The following RHBDL2 variants were observed in gnomAD, a reference collection of about 807,000 sequenced individuals.
RHBDL2 encodes the protein rhomboid-related protein 2.
A neutral mutation model predicts 31.7 loss-of-function variants in RHBDL2; 26 were observed. The ratio of observed to expected loss-of-function variants is 0.82; its 90% CI spans 0.60 to 1.14. The LOEUF is 1.14. RHBDL2 is among the 50% of genes most tolerant of loss of function. RHBDL2 has a pLI of 0.00. For synonymous variants in RHBDL2, 123 were observed against 127.2 expected (o/e 0.97, Z 0.22); for missense variants, 336 against 364.4 (o/e 0.92, Z 0.63).
At chr1:38,939,185 A>G (rs900395604) in intron 1 of RHBDL2, among the ~76,000 whole-genome samples, 4 of 152,182 alleles carry the variant, frequency 2.6e-5, no homozygotes, top group African/African-American at 9.7e-5. Context: ...ATCTACAGGA[A>G]GTGAAAGGCC....
At chr1:38,918,058 C>T (rs1252819718) in intron 2 of RHBDL2, among the ~76,000 whole-genome samples, 1 of 152,174 alleles carries the variant, frequency 6.6e-6, no homozygotes, top group African/African-American at 2.4e-5. Flanking sequence ...GGCAAGTCTT[C>T]CCTGGGCCTC....
chr1:38,928,627 G>A (rs1393980309), intron 1 of RHBDL2, among the ~76,000 whole-genome samples: 2 of 150,920 alleles, frequency 1.3e-5, no homozygotes, highest in African/African-American at 4.9e-5. Flanking sequence ...TGTATTTTTA[G>A]TAGAGATGGG....
At chr1:38,937,930 G>A (rs150181290) in intron 1 of RHBDL2, among the ~76,000 whole-genome samples, 4 of 152,174 alleles carry the variant, frequency 2.6e-5, no homozygotes, top group African/African-American at 9.6e-5. Flanking sequence ...GGACCCATCA[G>A]GCCTGAAAAC....
At chr1:38,940,963 CA>C (rs1028960086) in intron 1 of RHBDL2, among the ~76,000 whole-genome samples, 2 of 152,050 alleles carry the variant, frequency 1.3e-5, no homozygotes, top group African/African-American at 4.8e-5. Flanking sequence ...GATAAAAAGC[CA>C]AGTGTCTTTG....
intron 7 of RHBDL2, among the ~76,000 whole-genome samples, chr1:38,887,599 A>AT (rs925834927): frequency 6.6e-6 from 1 of 151,794 alleles, no homozygotes; most frequent in Admixed American, 6.6e-5. Flanking sequence ...TAATTTTTGT[A>AT]TTTTTAGTAG....
At chr1:38,931,996 G>A (rs1197523012) in intron 1 of RHBDL2, among the ~76,000 whole-genome samples, 1 of 152,142 alleles carries the variant, frequency 6.6e-6, no homozygotes, top group East Asian at 1.9e-4. Context: ...ATACTACGTG[G>A]CAGAAGCTAT....
chr1:38,904,790 G>C (rs1431935556), intron 4 of RHBDL2, among the ~76,000 whole-genome samples: 2 of 149,922 alleles, frequency 1.3e-5, no homozygotes, highest in African/African-American at 4.9e-5. Flanking sequence ...CCAGCACTTT[G>C]GGAGGCCGAG....
chr1:38,930,546 C>G (rs1005602347), intron 1 of RHBDL2, among the ~76,000 whole-genome samples: 2 of 152,160 alleles, frequency 1.3e-5, no homozygotes, highest in Admixed American at 6.6e-5. Context: ...CATCCTGTAT[C>G]TTGTATTATC....
At chr1:38,913,045 C>T (rs1405875958) in intron 3 of RHBDL2, among the ~76,000 whole-genome samples, 5 of 148,770 alleles carry the variant, frequency 3.4e-5, no homozygotes, top group Non-Finnish European at 7.4e-5. Flanking sequence ...TGCGGTGGCG[C>T]GATCTCGGCT....
chr1:38,917,221 G>A (rs1643250690), intron 2 of RHBDL2, among the ~76,000 whole-genome samples: 2 of 151,706 alleles, frequency 1.3e-5, no homozygotes, highest in South Asian at 4.2e-4. Flanking sequence ...GTTTCACCGT[G>A]TTAGCCAGGA....
chr1:38,898,363 G>C (rs1642946146), intron 4 of RHBDL2, among the ~76,000 whole-genome samples: 1 of 152,178 alleles, frequency 6.6e-6, no homozygotes, highest in South Asian at 2.1e-4. Flanking sequence ...CTAACCTATA[G>C]ACTAGGGCTG....
intron 6 of RHBDL2, among the ~76,000 whole-genome samples, 188 bp downstream of exon 6, chr1:38,892,976 T>C (rs1408725620): frequency 6.6e-6 from 1 of 152,240 alleles, no homozygotes; most frequent in Non-Finnish European, 1.5e-5. Flanking sequence ...CAAAATAATA[T>C]GTAAAATTTA....
At position 38,907,442 on chromosome 1, in the gene RHBDL2, A is replaced by G. The variant is rs375153414; in HGVS notation, c.508+3880T>C. On this transcript the variant is annotated intron_variant, in intron 4 of 7. Coordinates refer to ENST00000372990, the MANE Select transcript of RHBDL2 (RefSeq NM_017821.5). Reference sequence around the variant, plus strand: ...GTAATCCCAGCTACTCAGGAGGCTGAGGCTGGAGAATTGCTTGAACCTGGG... The same window carrying G: ...GTAATCCCAGCTACTCAGGAGGCTGGGGCTGGAGAATTGCTTGAACCTGGG... Among the ~76,000 whole-genome samples the G allele has an allele frequency of 6.8e-4, 104 of 152,372 alleles. 4 individuals are homozygous for G. The South Asian group carries it at 0.021, about 30-fold the overall frequency.
intron 1 of RHBDL2, among the ~76,000 whole-genome samples, chr1:38,938,223 G>A (rs111404955): frequency 0.16 from 24,184 of 151,582 alleles, 2,337 homozygotes; most frequent in Non-Finnish European, 0.21. Flanking sequence ...CACCATATTG[G>A]TCAGGCTGGT....
At chr1:38,931,194 G>A (rs1643435121) in intron 1 of RHBDL2, among the ~76,000 whole-genome samples, 1 of 152,152 alleles carries the variant, frequency 6.6e-6, no homozygotes, top group Non-Finnish European at 1.5e-5. Flanking sequence ...CTAGAGATTT[G>A]GATTCAGAGG....
intron 1 of RHBDL2, among the ~76,000 whole-genome samples, chr1:38,940,362 C>T (rs940887980): frequency 6.6e-6 from 1 of 152,030 alleles, no homozygotes. Context: ...GCCTATGTGG[C>T]TCTCCCTTCT....
At chr1:38,895,912 A>G in intron 5 of RHBDL2, 57 bp downstream of exon 5, 1 of 1,098,792 alleles carries the variant, frequency 9.1e-7, no homozygotes, top group Non-Finnish European at 1.4e-6. Flanking sequence ...AACAAAGAAG[A>G]GTTACTGTTT....
At chr1:38,938,382 G>A (rs1414377896) in intron 1 of RHBDL2, among the ~76,000 whole-genome samples, 2 of 152,092 alleles carry the variant, frequency 1.3e-5, no homozygotes, top group East Asian at 3.9e-4. Flanking sequence ...GGCACAGAAA[G>A]ACCTCATGAC....
chr1:38,937,909 T>C (rs573712271), intron 1 of RHBDL2, among the ~76,000 whole-genome samples: 11 of 152,286 alleles, frequency 7.2e-5, no homozygotes, highest in Non-Finnish European at 1.2e-4. Flanking sequence ...CTAATTTTCA[T>C]AGATAGGTGG....
Sources: allele counts gnomAD v4.1 joint callset (sites outside exome capture counted in the v4.1 genomes callset), GRCh38; gene constraint gnomAD v4.1.1; transcripts MANE v1.5; gene names NCBI Gene and HGNC (gene_info 2026-07-23, HGNC 2026-07-21).